The following NAV3 variants were observed in gnomAD, a reference collection of about 807,000 sequenced individuals.
NAV3 encodes pore membrane and/or filament interacting like protein 1.
NAV3 carries 87 observed loss-of-function variants against 244.7 expected under a neutral mutation model. The observed-to-expected ratio is 0.36, with a 90% CI of 0.30 to 0.42. The LOEUF (loss-of-function observed/expected upper bound fraction) is 0.42, where lower values mean the gene tolerates loss of function less well. Among genes scored for constraint, NAV3 ranks in the 20% least tolerant of loss-of-function variants. The probability of loss-of-function intolerance (pLI) is 1.00; values close to 1 mark genes in which losing one functional copy is unlikely to be tolerated. For missense variants in NAV3, 2,663 were observed against 2,893.3 expected (o/e 0.92, Z 1.83); for synonymous variants, 1,126 against 1,042.2 (o/e 1.08, Z -1.55).
intron 2 of NAV3, among the ~76,000 whole-genome samples, chr12:77,817,598 G>A (rs1189727213): frequency 1.3e-5 from 2 of 151,770 alleles, no homozygotes; most frequent in Admixed American, 6.6e-5. Context: ...CTCTAGCAAA[G>A]CATTTTCTTC....
At position 77,586,207 on chromosome 12, in the gene NAV3, T is replaced by C. The variant is rs1395962978; in HGVS notation, c.72+13941T>C. On this transcript the variant is annotated intron_variant, in intron 2 of 8. Transcript: ENST00000550042. Reference sequence around the variant, plus strand: ...GCTGTAAGATTATAATTTACACTGATTAATTGCTCCTGGTACTCTATTCTG... The same window carrying C: ...GCTGTAAGATTATAATTTACACTGACTAATTGCTCCTGGTACTCTATTCTG... Among the ~76,000 whole-genome samples, 3 of 152,284 alleles carry C rather than the reference T, an allele frequency of 2.0e-5. No individual in the cohort carries two copies. In the South Asian group the frequency reaches 6.2e-4, roughly 32 times the overall value.
chr12:78,191,589 C>G (rs1958984675), intron 34 of NAV3, among the ~76,000 whole-genome samples: 2 of 152,118 alleles, frequency 1.3e-5, no homozygotes, highest in Admixed American at 6.6e-5. Context: ...CCTTGGAACT[C>G]AGACCTATTC....
chr12:77,915,869 C>T (rs1042176910), intron 1 of NAV3, among the ~76,000 whole-genome samples: 3 of 151,924 alleles, frequency 2.0e-5, no homozygotes, highest in Admixed American at 6.6e-5. Context: ...CCACCACTGG[C>T]CATAGAGCAG....
intron 1 of NAV3, among the ~76,000 whole-genome samples, chr12:77,912,621 T>G (rs1565914881): frequency 6.7e-6 from 1 of 149,918 alleles, no homozygotes; most frequent in African/African-American, 2.4e-5. Flanking sequence ...TTTGTGGGGG[T>G]TTTTTGTTTG....
chr12:77,703,045 G>A (rs1482952148), intron 2 of NAV3, among the ~76,000 whole-genome samples: 1 of 151,900 alleles, frequency 6.6e-6, no homozygotes, highest in Non-Finnish European at 1.5e-5. Context: ...GGTTTATTGA[G>A]GCTTAATGTA....
At chr12:77,711,128 A>C (rs1411625127) in intron 2 of NAV3, among the ~76,000 whole-genome samples, 1 of 152,214 alleles carries the variant, frequency 6.6e-6, no homozygotes, top group East Asian at 1.9e-4. Flanking sequence ...AGTACACAGC[A>C]AAATTATTTG....
chr12:77,581,894 G>T (rs1482991908), intron 2 of NAV3, among the ~76,000 whole-genome samples: 1 of 152,062 alleles, frequency 6.6e-6, no homozygotes, highest in Non-Finnish European at 1.5e-5. Flanking sequence ...ATTACTAATG[G>T]GTTTATTCAT....
At chr12:77,832,985 T>A (rs993433092) in intron 1 of NAV3, among the ~76,000 whole-genome samples, 1 of 152,202 alleles carries the variant, frequency 6.6e-6, no homozygotes, top group African/African-American at 2.4e-5. Flanking sequence ...ACTCTAGAAG[T>A]GAAAAAGAAA....
intron 3 of NAV3, among the ~76,000 whole-genome samples, chr12:77,959,798 T>C (rs1204684530): frequency 1.3e-5 from 2 of 150,720 alleles, no homozygotes; most frequent in African/African-American, 4.9e-5. Context: ...AAAACTTGAC[T>C]AACCCCTTGG....
intron 2 of NAV3, among the ~76,000 whole-genome samples, chr12:77,805,968 T>C (rs1456445482): frequency 1.3e-5 from 2 of 152,222 alleles, no homozygotes; most frequent in Non-Finnish European, 2.9e-5. Flanking sequence ...GTTTTTATTG[T>C]ATTCTCTGAT....
intron 1 of NAV3, among the ~76,000 whole-genome samples, chr12:77,831,930 G>C (rs1286472466): frequency 6.6e-6 from 1 of 152,122 alleles, no homozygotes; most frequent in Non-Finnish European, 1.5e-5. Context: ...TGCATCTATT[G>C]TAATCATTTA....
intron 2 of NAV3, among the ~76,000 whole-genome samples, chr12:77,676,960 G>A: frequency 6.6e-6 from 1 of 152,114 alleles, no homozygotes; most frequent in South Asian, 2.1e-4. Flanking sequence ...GAATTGAAAT[G>A]TTGACTCTAG....
At chr12:78,123,640 A>C (rs1200795985) in intron 16 of NAV3, among the ~76,000 whole-genome samples, 1 of 152,184 alleles carries the variant, frequency 6.6e-6, no homozygotes, top group Non-Finnish European at 1.5e-5. Flanking sequence ...CCCGATGATA[A>C]AGTAATTTTA....
intron 12 of NAV3, among the ~76,000 whole-genome samples, chr12:78,071,655 G>T (rs1566091653): frequency 6.6e-6 from 1 of 151,996 alleles, no homozygotes; most frequent in Admixed American, 6.6e-5. Flanking sequence ...TTTGTATAAG[G>T]TGTAAGGAAG....
At chr12:77,736,014 A>G (rs1183532286) in intron 2 of NAV3, among the ~76,000 whole-genome samples, 1 of 152,228 alleles carries the variant, frequency 6.6e-6, no homozygotes, top group Non-Finnish European at 1.5e-5. Context: ...TAACATGTCA[A>G]ATAACTTATA....
At chr12:78,017,724 C>T (rs911334006) in intron 8 of NAV3, among the ~76,000 whole-genome samples, 1 of 152,072 alleles carries the variant, frequency 6.6e-6, no homozygotes, top group Non-Finnish European at 1.5e-5. Context: ...ACTCTTGATT[C>T]TAAAGTCTTT....
In NAV3 at chr12:78,128,852, A is replaced by G. The variant is rs757656244; in HGVS notation, c.4427A>G (p.His1476Arg). Residue 1476 changes from histidine to arginine, a missense_variant, in exon 18 of 40, where the codon CAC (histidine) becomes CGC (arginine). By Grantham distance (29) the His-to-Arg change is conservative (BLOSUM62 0). Around this residue, in one of 6 missense-constraint regions of NAV3, gnomAD observed 354 missense variants for 413.0 expected, o/e 0.86. Coordinates refer to ENST00000397909, the MANE Select transcript of NAV3 (RefSeq NM_001024383.2). ...TCATCTTCTGCAGCTGGAAAATACCACTTTTCTAACTTGGGTAAAATATTC... is the reference window on the plus strand; with the variant it reads ...TCATCTTCTGCAGCTGGAAAATACCGCTTTTCTAACTTGGGTAAAATATTC... Reference protein sequence around the residue: ...AMSSSAAGKYHFSNLVSPTNL... With the variant: ...AMSSSAAGKYRFSNLVSPTNL... 1.2e-6 allele frequency: 2 copies of G among 1,612,690 alleles called. No homozygotes were observed. The highest frequency in any genetic ancestry group is 2.2e-5 in the East Asian group (1 of 44,844).
At chr12:78,118,621 T>C (rs1375181709) in intron 14 of NAV3, among the ~76,000 whole-genome samples, 1 of 152,218 alleles carries the variant, frequency 6.6e-6, no homozygotes, top group Non-Finnish European at 1.5e-5. Context: ...TTGTTTTTGT[T>C]CTGCGTTCTT....
intron 1 of NAV3, among the ~76,000 whole-genome samples, chr12:77,910,021 A>G (rs1016409441): frequency 2.0e-5 from 3 of 152,142 alleles, no homozygotes; most frequent in Non-Finnish European, 4.4e-5. Context: ...TTTTAACAGA[A>G]TAGCACGATT....
Sources: gnomAD v4.1 joint callset for allele counts (sites outside exome capture counted in the v4.1 genomes callset) on GRCh38, gnomAD v4.1.1 for gene constraint, gnomAD v4.1.1 regional missense constraint, MANE v1.5 for transcripts, NCBI Gene and HGNC (gene_info 2026-07-23, HGNC 2026-07-21) for gene names.